The following SPON1 variants were observed in gnomAD, a reference collection of about 807,000 sequenced individuals.
SPON1 encodes spondin-1.
A neutral mutation model predicts 111.7 loss-of-function variants in SPON1; 52 were observed. The ratio of observed to expected loss-of-function variants is 0.47; its 90% CI spans 0.37 to 0.59. The LOEUF is 0.59. Ranked by LOEUF, SPON1 falls within the 20% of genes least tolerant of loss-of-function variation. The pLI, the probability that SPON1 is intolerant of heterozygous loss-of-function variation, is 0.00. For synonymous variants in SPON1, 410 were observed against 395.8 expected (o/e 1.04, Z -0.43); for missense variants, 957 against 1,068.5 (o/e 0.90, Z 1.46).
At chr11:14,251,794 C>T (rs540309047) in intron 7 of SPON1, among the ~76,000 whole-genome samples, 8 of 152,272 alleles carry the variant, frequency 5.3e-5, no homozygotes, top group South Asian at 4.1e-4. Flanking sequence ...AGTCCCTAGG[C>T]GAGGTAATGC....
intron 5 of SPON1, among the ~76,000 whole-genome samples, chr11:14,120,463 C>G (rs1849296779): frequency 6.6e-6 from 1 of 152,118 alleles, no homozygotes; most frequent in Admixed American, 6.5e-5. Context: ...GAGGCTGGAG[C>G]TGGAACAGTC....
At chr11:14,180,979 C>G (rs187354015) in intron 6 of SPON1, among the ~76,000 whole-genome samples, 18 of 152,326 alleles carry the variant, frequency 1.2e-4, no homozygotes. Context: ...AGTTTGTTCA[C>G]TACCCCCTGC....
At chr11:14,052,464 G>A (rs1428635263) in intron 3 of SPON1, among the ~76,000 whole-genome samples, 1 of 152,188 alleles carries the variant, frequency 6.6e-6, no homozygotes, top group Non-Finnish European at 1.5e-5. Context: ...AGGCTCCTTT[G>A]TTGTAAGTCA....
In SPON1 at chr11:14,228,513, C is replaced by T. The variant is rs1848763860; in HGVS notation, c.826-14819C>T. Among the ~76,000 whole-genome samples, 1 of 152,218 alleles carries T rather than the reference C, an allele frequency of 6.6e-6. No homozygotes were observed. On this transcript the variant is annotated intron_variant, in intron 6 of 15. Coordinates refer to ENST00000576479, the MANE Select transcript of SPON1 (RefSeq NM_006108.4). This position sits in a 1 kb window ranked among gnomAD's most constrained non-coding sequence, Gnocchi z 4.2. ...CCCAACAAAGACCTCTACCAACCAA[C>T]TCACTGGGCTGGGTGGCTCTTCAGA...
At chr11:14,097,915 G>A (rs947126536) in intron 5 of SPON1, among the ~76,000 whole-genome samples, 2 of 151,862 alleles carry the variant, frequency 1.3e-5, no homozygotes, top group African/African-American at 4.8e-5. Context: ...GTATGATGTT[G>A]ACTCTTGGCT....
At chr11:14,082,557 C>G (rs1438269333) in intron 5 of SPON1, among the ~76,000 whole-genome samples, 9 of 152,288 alleles carry the variant, frequency 5.9e-5, no homozygotes, top group Admixed American at 5.9e-4. Flanking sequence ...CTCCGAGTCA[C>G]ACTCATTATG....
intron 6 of SPON1, among the ~76,000 whole-genome samples, chr11:14,161,159 A>ATATATATC (rs1847949939): frequency 1.8e-4 from 12 of 65,256 alleles, no homozygotes; most frequent in South Asian, 1.2e-3. Flanking sequence ...TATATATTTT[A>ATATATATC]TATATATCTA....
At chr11:14,229,099 C>T (rs1028035458) in intron 6 of SPON1, among the ~76,000 whole-genome samples, 3 of 152,140 alleles carry the variant, frequency 2.0e-5, no homozygotes, top group African/African-American at 2.4e-5. Context: ...CAAAGTTTTA[C>T]GAATACTTCT....
At chr11:13,964,558 C>T (rs1276992203) in intron 1 of SPON1, among the ~76,000 whole-genome samples, 1 of 152,220 alleles carries the variant, frequency 6.6e-6, no homozygotes, top group Non-Finnish European at 1.5e-5. Context: ...AAAGCCGGCT[C>T]CTTGGTGCCC....
intron 1 of SPON1, among the ~76,000 whole-genome samples, chr11:13,982,554 G>T (rs1289682163): frequency 6.6e-6 from 1 of 152,194 alleles, no homozygotes; most frequent in East Asian, 1.9e-4. Context: ...TCTGACCAGG[G>T]ACTATCTTTA....
At chr11:14,015,413 A>C (rs1268270271) in intron 2 of SPON1, among the ~76,000 whole-genome samples, 1 of 152,170 alleles carries the variant, frequency 6.6e-6, no homozygotes, top group Non-Finnish European at 1.5e-5. Flanking sequence ...AAGGTCACTA[A>C]TCCCATTTAT....
At chr11:14,232,438 C>T (rs1768361679) in intron 6 of SPON1, among the ~76,000 whole-genome samples, 1 of 152,152 alleles carries the variant, frequency 6.6e-6, no homozygotes, top group East Asian at 1.9e-4. Flanking sequence ...CCCCAGCAAC[C>T]CAACCCACAT....
intron 5 of SPON1, among the ~76,000 whole-genome samples, chr11:14,084,574 G>GTCT (rs1487963747): frequency 6.6e-6 from 1 of 152,196 alleles, no homozygotes; most frequent in Non-Finnish European, 1.5e-5. Context: ...TTGGTTCCAA[G>GTCT]TCTTTGCTGT....
Position 14,165,741 on chromosome 11 carries a change from A to C in SPON1, c.825+30173A>C, listed in dbSNP as rs781945110. ...TTTGAAGCATAATTTTTCTGTCTCC[A>C]GTCCCCATTTTTATTCAAAACAAAT... is the stretch of plus-strand genomic sequence containing the variant. On this transcript the variant is annotated intron_variant, in intron 6 of 15. Transcript: ENST00000576479. Among the ~76,000 whole-genome samples the C allele has an allele frequency of 5.3e-5, 8 of 152,222 alleles. No individual in the cohort carries two copies. In the South Asian group the frequency reaches 6.2e-4, roughly 12 times the overall value.
At chr11:14,142,793 C>G (rs1221224547) in intron 6 of SPON1, among the ~76,000 whole-genome samples, 2 of 152,146 alleles carry the variant, frequency 1.3e-5, no homozygotes, top group Non-Finnish European at 2.9e-5. Flanking sequence ...AACTTAAGAA[C>G]AAAGGAAACT....
chr11:13,988,591 A>C (rs963041923), intron 2 of SPON1, among the ~76,000 whole-genome samples: 1 of 152,202 alleles, frequency 6.6e-6, no homozygotes, highest in Non-Finnish European at 1.5e-5. Context: ...TATGTTGAAT[A>C]GGAGTGGAGA....
intron 6 of SPON1, among the ~76,000 whole-genome samples, chr11:14,144,614 A>G (rs1847696374): frequency 6.9e-6 from 1 of 145,126 alleles, no homozygotes; most frequent in Admixed American, 7.1e-5. Flanking sequence ...TGGGTGACCG[A>G]GTGAGTGAGA....
chr11:14,005,503 G>C (rs1848352417), intron 2 of SPON1, among the ~76,000 whole-genome samples: 1 of 152,166 alleles, frequency 6.6e-6, no homozygotes, highest in Admixed American at 6.5e-5. Flanking sequence ...GCTCCACGTT[G>C]AGATTTGTGG....
chr11:14,160,419 A>ATATATATATT (rs1847898580), intron 6 of SPON1, among the ~76,000 whole-genome samples: 1 of 41,784 alleles, frequency 2.4e-5, no homozygotes, highest in Non-Finnish European at 3.7e-5. Context: ...ATATATATTT[A>ATATATATATT]TATATATATA....
Sources: gnomAD v4.1 joint callset for allele counts (sites outside exome capture counted in the v4.1 genomes callset) on GRCh38, gnomAD v4.1.1 for gene constraint, Gnocchi (gnomAD v3.1) non-coding constraint, MANE v1.5 for transcripts, NCBI Gene and HGNC (gene_info 2026-07-23, HGNC 2026-07-21) for gene names.